Variants in IL1RAP observed in about 807,000 individuals in gnomAD.
The protein encoded by IL1RAP is interleukin-1 receptor accessory protein.
Under a neutral mutation model 60.7 loss-of-function variants are expected in IL1RAP, and 35 were observed. That is an observed-to-expected ratio of 0.58 (90% CI 0.44 to 0.76). IL1RAP has a LOEUF of 0.76. Ranked by LOEUF, IL1RAP falls within the 30% of genes least tolerant of loss-of-function variation. IL1RAP has a pLI of 0.00. For missense variants in IL1RAP, 572 were observed against 693.9 expected (o/e 0.82, Z 1.97); for synonymous variants, 268 against 250.9 (o/e 1.07, Z -0.64).
At chr3:190,633,467 C>T (rs1732958257) in intron 9 of IL1RAP, among the ~76,000 whole-genome samples, 1 of 152,092 alleles carries the variant, frequency 6.6e-6, no homozygotes, top group Non-Finnish European at 1.5e-5. Context: ...AGCAATTCTC[C>T]TGCCTCAGCC....
intron 1 of IL1RAP, among the ~76,000 whole-genome samples, chr3:190,525,513 A>G (rs1722431874): frequency 6.6e-6 from 1 of 152,252 alleles, no homozygotes; most frequent in Non-Finnish European, 1.5e-5. Context: ...AGACAGAAGC[A>G]GGATGATGAG....
At chr3:190,516,970 C>T (rs1721578826) in intron 1 of IL1RAP, among the ~76,000 whole-genome samples, 1 of 152,150 alleles carries the variant, frequency 6.6e-6, no homozygotes, top group Non-Finnish European at 1.5e-5. Context: ...AGGGCATTTC[C>T]CATCACACTC....
chr3:190,569,973 G>C (rs1485648783), intron 3 of IL1RAP, among the ~76,000 whole-genome samples: 2 of 152,092 alleles, frequency 1.3e-5, no homozygotes, highest in African/African-American at 4.8e-5. Flanking sequence ...GGACCAGATT[G>C]CCACCTTAGC....
chr3:190,649,574 G>A lies in IL1RAP; in HGVS notation c.*869G>A. On this transcript the variant is annotated 3_prime_UTR_variant, in exon 12 of 12. Coordinates refer to ENST00000447382, the MANE Select transcript of IL1RAP (RefSeq NM_002182.4). ...CTTTTAGGGCATTTTTCTGACTCAT[G>A]AAAAGAGCACAGAAAAGGATGTTTG... is the stretch of plus-strand genomic sequence containing the variant. 1.0e-6 allele frequency: 1 copy of A among 985,806 alleles called. No homozygotes were observed. The highest frequency in any genetic ancestry group is 4.7e-5 in the South Asian group (1 of 21,286). 61.1% of individuals were successfully genotyped at this position (985,806 alleles called of 1,614,324 possible). A position where few individuals can be genotyped will look rare whatever the true frequency, so the allele number is the denominator to read the frequency against.
chr3:190,647,883 A>G (rs1271151252), intron 11 of IL1RAP, among the ~76,000 whole-genome samples: 2 of 152,224 alleles, frequency 1.3e-5, no homozygotes, highest in Non-Finnish European at 2.9e-5. Context: ...ATTATATAAC[A>G]TATACCTTTT....
intron 3 of IL1RAP, among the ~76,000 whole-genome samples, chr3:190,603,806 TTC>T (rs763601595): frequency 2.0e-5 from 3 of 152,178 alleles, no homozygotes; most frequent in Non-Finnish European, 2.9e-5. Flanking sequence ...CCTTAAACCA[TTC>T]TCTGTTCCAC....
At chr3:190,599,248 T>C (rs1457171605) in intron 3 of IL1RAP, among the ~76,000 whole-genome samples, 3 of 152,192 alleles carry the variant, frequency 2.0e-5, no homozygotes, top group Non-Finnish European at 4.4e-5. Context: ...ATTATTGTTT[T>C]ATTCTCTCAT....
At chr3:190,622,151 A>G (rs1371048765) in intron 6 of IL1RAP, among the ~76,000 whole-genome samples, 2 of 152,226 alleles carry the variant, frequency 1.3e-5, no homozygotes, top group Non-Finnish European at 2.9e-5. Flanking sequence ...ACAACTGACT[A>G]AGGCATGAAA....
At chr3:190,634,453 A>C (rs1257267708) in intron 9 of IL1RAP, among the ~76,000 whole-genome samples, 1 of 150,548 alleles carries the variant, frequency 6.6e-6, no homozygotes, top group Non-Finnish European at 1.5e-5. Flanking sequence ...CATACCAGCG[A>C]ATTTTTTTTT....
At chr3:190,553,139 G>A (rs572929998) in intron 1 of IL1RAP, among the ~76,000 whole-genome samples, 3 of 152,236 alleles carry the variant, frequency 2.0e-5, no homozygotes, top group Admixed American at 6.5e-5. Context: ...GCTAAACAAA[G>A]CCTTGCCATG....
downstream of IL1RAP, among the ~76,000 whole-genome samples, chr3:190,653,772 T>C (rs1424647437): frequency 6.6e-6 from 1 of 152,174 alleles, no homozygotes; most frequent in Non-Finnish European, 1.5e-5. Context: ...ATGAGCTAAA[T>C]TACTACTCCT....
At position 190,604,270 on chromosome 3, in the gene IL1RAP, C is replaced by T. The variant is rs542568426; in HGVS notation, c.207C>T (p.Ile69=). Residue 69 remains isoleucine, a synonymous_variant, in exon 4 of 12, where the codon ATC becomes ATT. Transcript: ENST00000447382. ...STAHSAGLTL[I]WYWTRQDRDL... is the part of the protein sequence containing the mutation. Reference sequence around the variant, plus strand: ...CCCATTCAGCTGGCCTTACTCTGATCTGGTATTGGACTAGGCAGGACCGGG... The same window carrying T: ...CCCATTCAGCTGGCCTTACTCTGATTTGGTATTGGACTAGGCAGGACCGGG... The T allele has an allele frequency of 6.2e-7, 1 of 1,614,054 alleles. No individual in the cohort carries two copies. Among genetic ancestry groups the T allele is most frequent in the Non-Finnish European group, 8.5e-7 (1 of 1,180,002 alleles).
chr3:190,647,363 A>C (rs1051958043), intron 11 of IL1RAP, among the ~76,000 whole-genome samples: 7 of 152,214 alleles, frequency 4.6e-5, no homozygotes, highest in African/African-American at 1.7e-4. Flanking sequence ...CCACAATTCT[A>C]GTAAGTTACC....
At chr3:190,603,187 A>T (rs563022764) in intron 3 of IL1RAP, among the ~76,000 whole-genome samples, 5 of 152,328 alleles carry the variant, frequency 3.3e-5, no homozygotes, top group Non-Finnish European at 7.3e-5. Context: ...ATGTGGATAC[A>T]GGGGAAAGAG....
intron 1 of IL1RAP, among the ~76,000 whole-genome samples, chr3:190,525,000 G>A (rs1383799960): frequency 6.6e-6 from 1 of 151,972 alleles, no homozygotes; most frequent in Non-Finnish European, 1.5e-5. Flanking sequence ...ATATATATAT[G>A]TGTGTACATG....
chr3:190,537,302 C>T (rs990508160), intron 1 of IL1RAP, among the ~76,000 whole-genome samples: 13 of 152,112 alleles, frequency 8.5e-5, no homozygotes, highest in African/African-American at 3.1e-4. Context: ...TCCTAGGCAT[C>T]CCATGAGTCC....
At chr3:190,556,926 T>C (rs1441535756) in intron 2 of IL1RAP, among the ~76,000 whole-genome samples, 2 of 152,206 alleles carry the variant, frequency 1.3e-5, no homozygotes, top group African/African-American at 2.4e-5. Context: ...GTTAAGACTT[T>C]CCTCTCAACA....
At chr3:190,615,255 G>A (rs944382055) in intron 5 of IL1RAP, 2 of 1,107,040 alleles carry the variant, frequency 1.8e-6, no homozygotes, top group Non-Finnish European at 1.2e-6. Flanking sequence ...TCAAACAGCT[G>A]GCTTATAAAA....
At chr3:190,652,532 G>C (rs1329613830), downstream of IL1RAP, among the ~76,000 whole-genome samples, 1 of 152,040 alleles carries the variant, frequency 6.6e-6, no homozygotes, top group African/African-American at 2.4e-5. Flanking sequence ...CTTAGTAAAG[G>C]TTCTTCTACT....
Sources: gnomAD v4.1 joint callset for allele counts (sites outside exome capture counted in the v4.1 genomes callset) on GRCh38, gnomAD v4.1.1 for gene constraint, MANE v1.5 for transcripts, NCBI Gene and HGNC (gene_info 2026-07-23, HGNC 2026-07-21) for gene names.